The following CNTN5 variants were observed in gnomAD, a reference collection of about 807,000 sequenced individuals.
CNTN5 encodes the protein contactin-5.
A neutral mutation model predicts 129.1 loss-of-function variants in CNTN5; 77 were observed. The observed-to-expected ratio is 0.60, with a 90% CI of 0.50 to 0.72. The LOEUF (loss-of-function observed/expected upper bound fraction) is 0.72. CNTN5 is among the 30% of genes least tolerant of loss of function. The probability of loss-of-function intolerance (pLI) is 0.00; values close to 1 mark genes in which losing one functional copy is unlikely to be tolerated. For missense variants in CNTN5, 1,478 were observed against 1,328.8 expected, an observed-to-expected ratio of 1.11 and a Z score of -1.75; for synonymous variants, 509 against 465.6, an observed-to-expected ratio of 1.09 and a Z score of -1.20.
At chr11:99,097,895 A>G (rs1403309637) in intron 1 of CNTN5, among the ~76,000 whole-genome samples, 1 of 152,040 alleles carries the variant, frequency 6.6e-6, no homozygotes, top group Non-Finnish European at 1.5e-5. Flanking sequence ...AAGTGGTGAG[A>G]TAAGGAAGTA....
intron 3 of CNTN5, among the ~76,000 whole-genome samples, chr11:99,676,569 A>G (rs1953293556): frequency 6.6e-6 from 1 of 152,250 alleles, no homozygotes. Context: ...TGCCTATAAA[A>G]TTTTATATAC....
intron 23 of CNTN5, among the ~76,000 whole-genome samples, chr11:100,346,058 T>C (rs1452724985): frequency 6.6e-6 from 1 of 152,190 alleles, no homozygotes; most frequent in African/African-American, 2.4e-5. Flanking sequence ...GTATTTACAT[T>C]CCCCAATTCA....
intron 9 of CNTN5, among the ~76,000 whole-genome samples, chr11:100,003,022 G>C (rs1939971693): frequency 6.6e-6 from 1 of 152,040 alleles, no homozygotes; most frequent in South Asian, 2.1e-4. Context: ...GATTATTAAA[G>C]TAGGTTTAGC....
intron 3 of CNTN5, among the ~76,000 whole-genome samples, chr11:99,571,929 T>C (rs1476150183): frequency 6.6e-6 from 1 of 152,186 alleles, no homozygotes; most frequent in African/African-American, 2.4e-5. Context: ...AAGAAAGTAA[T>C]ATTTTTTCTT....
At position 99,738,433 on chromosome 11, in the gene CNTN5, A is replaced by G. The variant is rs1943780247; in HGVS notation, c.56-81111A>G. On this transcript the variant is annotated intron_variant, in intron 3 of 24. Coordinates refer to ENST00000524871, the MANE Select transcript of CNTN5 (RefSeq NM_014361.4). The stretch of plus-strand genomic sequence containing the variant: ...GCCACCCAGTCTGTGGTATTTGGCT[A>G]TAGTAGCTCTAGGAAATTGAAATAG... Among the ~76,000 whole-genome samples, 2 of 152,182 alleles carry G rather than the reference A, an allele frequency of 1.3e-5. 1 individual carries two copies. The highest frequency in any genetic ancestry group is 1.3e-4 in the Admixed American group (2 of 15,268).
intron 3 of CNTN5, among the ~76,000 whole-genome samples, chr11:99,745,057 C>T (rs1365420952): frequency 6.6e-6 from 1 of 152,108 alleles, no homozygotes; most frequent in Admixed American, 6.6e-5. Context: ...AAAAAGCACA[C>T]GTAAGTCTTG....
chr11:100,026,024 AG>A (rs1331611949), intron 9 of CNTN5, among the ~76,000 whole-genome samples: 2 of 152,156 alleles, frequency 1.3e-5, no homozygotes, highest in East Asian at 3.9e-4. Flanking sequence ...GTTTGGGGCT[AG>A]GGGAAGAATG....
At chr11:100,128,700 C>A (rs563318145) in intron 13 of CNTN5, among the ~76,000 whole-genome samples, 1 of 152,106 alleles carries the variant, frequency 6.6e-6, no homozygotes, top group East Asian at 1.9e-4. Context: ...CCTCTAGAGG[C>A]TTGAATGGGC....
chr11:100,088,712 C>T (rs188218987), intron 13 of CNTN5, among the ~76,000 whole-genome samples: 93 of 152,102 alleles, frequency 6.1e-4, no homozygotes, highest in Middle Eastern at 3.4e-3. Context: ...CTGAACAGAC[C>T]AGTATCCAGT....
chr11:99,130,440 T>C (rs879541342), intron 1 of CNTN5, among the ~76,000 whole-genome samples: 12 of 152,152 alleles, frequency 7.9e-5, no homozygotes, highest in Non-Finnish European at 1.6e-4. Context: ...ATGCACCCAA[T>C]ACAGGAGCAC....
chr11:99,131,886 C>G (rs755923399), intron 1 of CNTN5, among the ~76,000 whole-genome samples: 19 of 152,102 alleles, frequency 1.2e-4, no homozygotes, highest in Non-Finnish European at 2.2e-4. Flanking sequence ...GAGACTACTC[C>G]CTAACTCATT....
At chr11:100,065,500 C>T (rs908564613) in intron 10 of CNTN5, among the ~76,000 whole-genome samples, 2 of 152,032 alleles carry the variant, frequency 1.3e-5, no homozygotes, top group Middle Eastern at 3.2e-3. Flanking sequence ...CTACGAGGTG[C>T]TTTACATACA....
intron 1 of CNTN5, among the ~76,000 whole-genome samples, chr11:99,128,827 A>G (rs80285053): frequency 0.08 from 12,243 of 152,164 alleles, 665 homozygotes; most frequent in South Asian, 0.12. Flanking sequence ...GGTGAACAGG[A>G]TCTGGAGTAG....
At chr11:99,177,755 C>A (rs1365768067) in intron 1 of CNTN5, among the ~76,000 whole-genome samples, 1 of 152,160 alleles carries the variant, frequency 6.6e-6, no homozygotes, top group African/African-American at 2.4e-5. Context: ...CAAGTTGTCA[C>A]AGTCCAGAGG....
intron 4 of CNTN5, among the ~76,000 whole-genome samples, chr11:99,836,373 A>G (rs937898183): frequency 7.1e-6 from 1 of 141,548 alleles, no homozygotes; most frequent in African/African-American, 2.7e-5. Context: ...ATTCCTACCT[A>G]TGAGTGAGAA....
At chr11:99,574,038 A>G (rs1248690549) in intron 3 of CNTN5, among the ~76,000 whole-genome samples, 2 of 152,110 alleles carry the variant, frequency 1.3e-5, no homozygotes, top group East Asian at 3.9e-4. Flanking sequence ...TATTTCTCCT[A>G]ATGCTATCAC....
At chr11:100,162,218 TA>T (rs1260546949) in intron 13 of CNTN5, among the ~76,000 whole-genome samples, 2 of 151,852 alleles carry the variant, frequency 1.3e-5, no homozygotes, top group African/African-American at 4.8e-5. Context: ...CTAACCGCGA[TA>T]AAGAACTTAG....
At chr11:99,538,321 C>T (rs73536774) in intron 2 of CNTN5, among the ~76,000 whole-genome samples, 3,495 of 152,046 alleles carry the variant, frequency 0.023, 138 homozygotes, top group African/African-American at 0.08. Flanking sequence ...TTAGTTGCCC[C>T]CTTCCCTGCT....
At chr11:99,466,004 C>T (rs1203632986) in intron 2 of CNTN5, among the ~76,000 whole-genome samples, 1 of 151,664 alleles carries the variant, frequency 6.6e-6, no homozygotes, top group African/African-American at 2.4e-5. Context: ...GCCTCAGCCT[C>T]CCGAGTAGCT....
Sources: gnomAD v4.1 joint callset for allele counts (sites outside exome capture counted in the v4.1 genomes callset) on GRCh38, gnomAD v4.1.1 for gene constraint, MANE v1.5 for transcripts, NCBI Gene and HGNC (gene_info 2026-07-23, HGNC 2026-07-21) for gene names.